DIAPH3: variants seen among roughly 807,000 people sequenced by gnomAD.
DIAPH3 encodes diaphanous related formin 3.
Under a neutral mutation model 144.3 loss-of-function variants are expected in DIAPH3, and 117 were observed. That is an observed-to-expected ratio of 0.81 (90% confidence interval 0.70 to 0.95). The LOEUF is 0.95. Among genes scored for constraint, DIAPH3 ranks in the 40% least tolerant of loss-of-function variants. The pLI is 0.00. For missense variants in DIAPH3, 1,421 were observed against 1,412.7 expected (o/e 1.01, Z -0.09); for synonymous variants, 519 against 488.9 (o/e 1.06, Z -0.81).
At chr13:59,979,264 T>C (rs1263620175) in intron 14 of DIAPH3, among the ~76,000 whole-genome samples, 1 of 151,632 alleles carries the variant, frequency 6.6e-6, no homozygotes, top group African/African-American at 2.4e-5. Flanking sequence ...TCCATTCATA[T>C]ATACTATATA....
At chr13:59,993,703 A>AAAAAAAAAC (rs1491200476) in intron 9 of DIAPH3, among the ~76,000 whole-genome samples, 8 of 35,414 alleles carry the variant, frequency 2.3e-4, no homozygotes, top group African/African-American at 9.4e-4. Context: ...AAACATACTT[A>AAAAAAAAAC]AAAAAAAAAA....
At position 60,016,068 on chromosome 13, in the gene DIAPH3, T is replaced by TA. The variant is rs1388490379; in HGVS notation, c.701+2dup. 6.2e-7 allele frequency: 1 copy of TA among 1,612,696 alleles called. No individual in the cohort carries two copies. The highest frequency in any genetic ancestry group is 8.5e-7 in the Non-Finnish European group (1 of 1,179,122). ...CTTGAAAATAATTATTAGCAATACTTACATTTTTCCACTAATCAGTTTTTC... is the reference window on the plus strand; with the variant it reads ...CTTGAAAATAATTATTAGCAATACTTAACATTTTTCCACTAATCAGTTTTTC... On this transcript the variant is annotated splice_region_variant and intron_variant, in intron 6 of 27. Transcript: ENST00000400324.
intron 27 of DIAPH3, among the ~76,000 whole-genome samples, chr13:59,721,383 G>T (rs2035334621): frequency 6.6e-6 from 1 of 152,084 alleles, no homozygotes; most frequent in Non-Finnish European, 1.5e-5. Flanking sequence ...AAATAAAGAT[G>T]ATTTTATTGC....
chr13:59,954,426 A>T (rs1191063053), intron 17 of DIAPH3, among the ~76,000 whole-genome samples: 1 of 152,060 alleles, frequency 6.6e-6, no homozygotes, highest in Non-Finnish European at 1.5e-5. Context: ...ATAATGATAA[A>T]ATTTGGGTTA....
Position 59,735,602 on chromosome 13 carries a change from T to C in DIAPH3, c.3319+38587A>G, listed in dbSNP as rs1593705647. 2.0e-5 allele frequency among the ~76,000 whole-genome samples: 3 copies of C among 152,234 alleles called. No homozygotes were observed. In the South Asian group the frequency reaches 6.2e-4, roughly 32 times the overall value. ...GAATGAAAGTAACATATATCAGGTG[T>C]CTATTTTCTATAAGATGGTAACTGA... On this transcript the variant is annotated intron_variant, in intron 27 of 27. Transcript: ENST00000400324.
At chr13:60,111,973 T>C (rs1203912313) in intron 3 of DIAPH3, 37 bp downstream of exon 3, 2 of 1,610,208 alleles carry the variant, frequency 1.2e-6, no homozygotes, top group East Asian at 4.5e-5. Flanking sequence ...GCTAAGGCTT[T>C]TTCCTCAAAC....
intron 20 of DIAPH3, among the ~76,000 whole-genome samples, chr13:59,904,093 T>A (rs1485282717): frequency 6.6e-6 from 1 of 152,176 alleles, no homozygotes; most frequent in Non-Finnish European, 1.5e-5. Flanking sequence ...CCAAAGAGGC[T>A]TCCTCAAAGG....
At chr13:59,797,425 C>T (rs1174978395) in intron 25 of DIAPH3, among the ~76,000 whole-genome samples, 4 of 152,102 alleles carry the variant, frequency 2.6e-5, no homozygotes, top group African/African-American at 9.7e-5. Context: ...AATAATTCTG[C>T]TAATGAAGGA....
chr13:60,009,531 A>G (rs888315908), intron 8 of DIAPH3, among the ~76,000 whole-genome samples: 1 of 152,242 alleles, frequency 6.6e-6, no homozygotes, highest in African/African-American at 2.4e-5. Flanking sequence ...ATATGTCCAC[A>G]TAAATTTCAC....
chr13:59,721,742 T>A lies in DIAPH3; in HGVS notation c.3319+52447A>T, dbSNP rs376134968. 2.6e-5 allele frequency among the ~76,000 whole-genome samples: 4 copies of A among 152,188 alleles called. No individual in the cohort carries two copies. The East Asian group carries it at 5.8e-4, about 22-fold the overall frequency. On this transcript the variant is annotated intron_variant, in intron 27 of 27. Transcript: ENST00000400324. ...GGGCAAGAGGTTGTACCATACAACC[T>A]CTTGGAACAAAATGTGGGTGGATCT...
intron 22 of DIAPH3, among the ~76,000 whole-genome samples, chr13:59,841,684 A>T (rs949153031): frequency 6.6e-6 from 1 of 152,244 alleles, no homozygotes; most frequent in Admixed American, 6.5e-5. Context: ...GTGTATTAGT[A>T]GTATAATGGT....
intron 27 of DIAPH3, among the ~76,000 whole-genome samples, chr13:59,688,540 T>A (rs74917005): frequency 0.021 from 3,200 of 151,958 alleles, 82 homozygotes; most frequent in East Asian, 0.12. Context: ...CCAAGAAGTT[T>A]AAGGTACTGT....
intron 27 of DIAPH3, among the ~76,000 whole-genome samples, chr13:59,738,555 C>A (rs1016952019): frequency 1.3e-5 from 2 of 152,050 alleles, no homozygotes; most frequent in Admixed American, 1.3e-4. Context: ...GACAGGCAGG[C>A]CCCCACCAAG....
At position 59,983,871 on chromosome 13, in the gene DIAPH3, A is replaced by T; in HGVS notation, c.1378T>A (p.Leu460Ile). ...ATCTGGGATACACACTCATCAATTA[A>T]TTTGAAGTATTGTTGCCTAAAACCA... ...DYFIRQQYFK[L>I]IDECVSQIVL... Residue 460 changes from leucine to isoleucine, a missense_variant, in exon 13 of 28, where the codon TTA (leucine) becomes ATA (isoleucine). Leu to Ile is a conservative substitution (Grantham distance 5). Coordinates refer to ENST00000400324, the MANE Select transcript of DIAPH3 (RefSeq NM_001042517.2). 7.5e-6 allele frequency: 12 copies of T among 1,605,178 alleles called. No homozygotes were observed. In the South Asian group the frequency reaches 1.3e-4, roughly 18 times the overall value.
In DIAPH3 at chr13:60,003,374, T is replaced by G. The variant is rs377484864; in HGVS notation, c.1014+5170A>C. On this transcript the variant is annotated intron_variant, in intron 9 of 27. Coordinates refer to ENST00000400324, the MANE Select transcript of DIAPH3 (RefSeq NM_001042517.2). ...TATTTAATTTTGTAATAACATTTTC[T>G]GCTTAAATTACCCAGAGTGATTATG... Among the ~76,000 whole-genome samples, 6 of 152,218 alleles carry G rather than the reference T, an allele frequency of 3.9e-5. No individual in the cohort carries two copies. The South Asian group carries it at 1.2e-3, about 32-fold the overall frequency.
chr13:59,860,046 C>T (rs947499374), intron 22 of DIAPH3, among the ~76,000 whole-genome samples: 2 of 152,092 alleles, frequency 1.3e-5, no homozygotes, highest in East Asian at 3.9e-4. Context: ...CAAGACAGGC[C>T]ATATGAAATA....
intron 9 of DIAPH3, among the ~76,000 whole-genome samples, chr13:60,006,948 G>A (rs1444405838): frequency 6.6e-6 from 1 of 152,116 alleles, no homozygotes. Flanking sequence ...CTGCCTATTC[G>A]AAGAGAACCA....
At chr13:59,752,915 T>C (rs1440787962) in intron 27 of DIAPH3, among the ~76,000 whole-genome samples, 1 of 152,204 alleles carries the variant, frequency 6.6e-6, no homozygotes, top group Admixed American at 6.5e-5. Flanking sequence ...TGAACAGAAA[T>C]TATCTCTCTT....
chr13:59,671,201 ACT>A (rs2032354694), intron 27 of DIAPH3, among the ~76,000 whole-genome samples: 1 of 152,120 alleles, frequency 6.6e-6, no homozygotes, highest in African/African-American at 2.4e-5. Flanking sequence ...GTTGGAGAAA[ACT>A]CTATACTCTA....
Sources: allele counts gnomAD v4.1 joint callset (sites outside exome capture counted in the v4.1 genomes callset), GRCh38; gene constraint gnomAD v4.1.1; transcripts MANE v1.5; gene names NCBI Gene and HGNC (gene_info 2026-07-23, HGNC 2026-07-21).